BNIP2: variants seen among roughly 807,000 people sequenced by gnomAD.
The protein encoded by BNIP2 is BCL2 interacting protein 2, also known as BCL2/adenovirus E1B 19 kDa protein-interacting protein 2.
In BNIP2, 36 loss-of-function variants were observed where a neutral mutation model predicts 43.4. That is an observed-to-expected ratio of 0.83 (90% CI 0.64 to 1.10). BNIP2 has a LOEUF of 1.10. BNIP2 is among the 50% of genes least tolerant of loss of function. The probability of loss-of-function intolerance (pLI) is 0.00; values close to 1 mark genes in which losing one functional copy is unlikely to be tolerated. For synonymous variants in BNIP2, 146 were observed against 121.0 expected (o/e 1.21, Z -1.35); for missense variants, 417 against 374.1 (o/e 1.11, Z -0.95).
chr15:59,684,190 G>A (rs1893874174), intron 1 of BNIP2, among the ~76,000 whole-genome samples: 1 of 152,192 alleles, frequency 6.6e-6, no homozygotes, highest in South Asian at 2.1e-4. Context: ...ACCCTCAAGA[G>A]AAGGTTTTAA....
chr15:59,680,342 A>G (rs1893587998), intron 2 of BNIP2, 34 bp from the exon 3 acceptor site: 1 of 1,519,116 alleles, frequency 6.6e-7, no homozygotes, highest in South Asian at 1.3e-5. Flanking sequence ...TAATCCAGAA[A>G]TTAAGAAAGA....
At chr15:59,683,399 A>C (rs1449137973) in intron 1 of BNIP2, among the ~76,000 whole-genome samples, 1 of 152,254 alleles carries the variant, frequency 6.6e-6, no homozygotes, top group Non-Finnish European at 1.5e-5. Context: ...CATTCAAGTC[A>C]ATAGATGTCT....
chr15:59,662,006 T>G lies in BNIP2; in HGVS notation c.*2063A>C, dbSNP rs1173847901. On this transcript the variant is annotated 3_prime_UTR_variant, in exon 10 of 10. Transcript: ENST00000607373. ...AATTTTAATGTTTAACAGAATAGTC[T>G]TCTACTTTTAAAAAAAATTCAGAAA... 2 of 152,214 alleles carry G rather than the reference T, an allele frequency of 1.3e-5. No homozygotes were observed. The highest frequency in any genetic ancestry group is 2.9e-5 in the Non-Finnish European group (2 of 68,038). 9.4% of individuals were successfully genotyped at this position (152,214 alleles called of 1,614,324 possible).
At chr15:59,678,236 G>T (rs765870790) in intron 4 of BNIP2, 149 bp from the exon 5 acceptor site, 1 of 1,380,494 alleles carries the variant, frequency 7.2e-7, no homozygotes, top group Non-Finnish European at 9.3e-7. Context: ...GGAGGAAAAG[G>T]CTTATTCTTA....
rs907362638 is a variant in BNIP2 at position 59,687,125 on chromosome 15, C to A, written c.-58+2010G>T. 4.6e-5 allele frequency among the ~76,000 whole-genome samples: 7 copies of A among 152,262 alleles called. 1 individual carries two copies. The South Asian group carries it at 1.2e-3, about 27-fold the overall frequency. On this transcript the variant is annotated intron_variant, in intron 1 of 9. Coordinates refer to ENST00000607373, the MANE Select transcript of BNIP2 (RefSeq NM_004330.4). ...GAAAATAAATCAAAAGATGACTGTG[C>A]CACCTACAAAAGTTACATTTATTGT... is the stretch of plus-strand genomic sequence containing the variant.
chr15:59,680,814 T>C (rs1329469649), intron 2 of BNIP2, among the ~76,000 whole-genome samples: 2 of 152,148 alleles, frequency 1.3e-5, no homozygotes, highest in Non-Finnish European at 2.9e-5. Context: ...TATTGCTATG[T>C]TGCCCAGGCT....
chr15:59,672,535 G>T, intron 6 of BNIP2, 102 bp downstream of exon 6: 1 of 843,464 alleles, frequency 1.2e-6, no homozygotes, highest in Non-Finnish European at 1.8e-6. Context: ...GTCTCCCAAA[G>T]AACTGGAATA....
At chr15:59,685,191 T>C (rs918333662) in intron 1 of BNIP2, among the ~76,000 whole-genome samples, 5 of 152,106 alleles carry the variant, frequency 3.3e-5, no homozygotes, top group Non-Finnish European at 7.4e-5. Context: ...ATGGAACAAG[T>C]TTGTCTCTGT....
rs756869353 is a variant in BNIP2 at position 59,668,988 on chromosome 15, G to C, written c.797C>G (p.Ser266Trp). 3.7e-6 allele frequency: 6 copies of C among 1,611,698 alleles called. No homozygotes were observed. The South Asian group carries it at 6.6e-5, about 18-fold the overall frequency. Residue 266 changes from serine (S) to tryptophan (W), a missense_variant and splice_region_variant, in exon 9 of 10, where the codon TCG becomes TGG. Transcript: ENST00000607373. ...LLAVTRPFIS[S>W]KFSQKIRYVF... ...GTATCTAATTTTTTGGCTGAATTTC[G>C]AGCTATGGAAGAAAATAAAAATAAT...
In BNIP2 at chr15:59,659,877, ACTGTTATATTCAAATTTT is replaced by A. The variant is rs1378784444; in HGVS notation, c.*4174_*4191del. 1 of 152,164 alleles carries A rather than the reference ACTGTTATATTCAAATTTT, an allele frequency of 6.6e-6. No homozygotes were observed. Among genetic ancestry groups the A allele is most frequent in the African/African-American group, 2.4e-5 (1 of 41,438 alleles). The allele number at this position is 152,164 out of a possible 1,614,324, so 9.4% of individuals were successfully genotyped here. ...GGTCTATTATAAATAGTTGCAACAT[ACTGTTATATTCAAATTTT>A]AGTGTCACTCCTTACTGTTAAACAT... On this transcript the variant is annotated 3_prime_UTR_variant, in exon 10 of 10. Transcript: ENST00000607373.
In BNIP2 at chr15:59,673,945, C is replaced by G. The variant is rs372813288; in HGVS notation, c.473-1206G>C. Reference sequence around the variant, plus strand: ...CTCTACTAAAGATATAAACAATTAGCTGGGTGTGGTGGTGTGCACCTGTAG... The same window carrying G: ...CTCTACTAAAGATATAAACAATTAGGTGGGTGTGGTGGTGTGCACCTGTAG... On this transcript the variant is annotated intron_variant, in intron 5 of 9. Coordinates refer to ENST00000607373, the MANE Select transcript of BNIP2 (RefSeq NM_004330.4). Among the ~76,000 whole-genome samples, 9 of 151,818 alleles carry G rather than the reference C, an allele frequency of 5.9e-5. No individual in the cohort carries two copies. In the East Asian group the frequency reaches 1.7e-3, roughly 29 times the overall value.
Position 59,682,446 on chromosome 15 carries a change from C to T in BNIP2, c.12G>A (p.Val4=). The T allele has an allele frequency of 1.2e-6, 2 of 1,613,626 alleles. No individual in the cohort carries two copies. The highest frequency in any genetic ancestry group is 1.7e-6 in the Non-Finnish European group (2 of 1,179,712). The change falls in exon 2 of 10, where the codon GTG becomes GTA. Residue 4 remains valine (V), a synonymous_variant. Transcript: ENST00000607373. MEG[V]ELKEEWQDED... is the part of the protein sequence containing the mutation. ...CATCTTGCCATTCTTCTTTAAGTTC[C>T]ACACCTTCCATCCTCAGCCTGGATT... is the stretch of plus-strand genomic sequence containing the variant.
At chr15:59,680,336 C>G in intron 2 of BNIP2, 28 bp from the exon 3 acceptor site, 2 of 1,538,864 alleles carry the variant, frequency 1.3e-6, no homozygotes, top group Middle Eastern at 1.7e-4. Context: ...ACTTTTTAAT[C>G]CAGAAATTAA....
intron 5 of BNIP2, 89 bp from the exon 6 acceptor site, chr15:59,672,828 T>C (rs1893020346): frequency 2.2e-6 from 2 of 890,196 alleles, no homozygotes; most frequent in Non-Finnish European, 3.5e-6. Flanking sequence ...AAATTATAAA[T>C]AAGAGTTTAC....
intron 5 of BNIP2, chr15:59,676,837 G>A: frequency 1.3e-6 from 2 of 1,559,198 alleles, no homozygotes; most frequent in African/African-American, 1.4e-5. Flanking sequence ...CTTCCTGCCG[G>A]GAATTCTGCC....
At chr15:59,682,568 G>T in intron 1 of BNIP2, 54 bp from the exon 2 acceptor site, 2 of 1,358,120 alleles carry the variant, frequency 1.5e-6, no homozygotes, top group South Asian at 1.3e-5. Context: ...TTTATCCACT[G>T]AAAAGGCGTA....
At chr15:59,672,836 T>A in intron 5 of BNIP2, 97 bp from the exon 6 acceptor site, 1 of 811,506 alleles carries the variant, frequency 1.2e-6, no homozygotes, top group South Asian at 1.8e-5. Flanking sequence ...AATAAGAGTT[T>A]ACTTTTCACA....
chr15:59,661,081 A>T lies in BNIP2; in HGVS notation c.*2988T>A, dbSNP rs1187487151. 1 of 152,226 alleles carries T rather than the reference A, an allele frequency of 6.6e-6. No homozygotes were observed. The highest frequency in any genetic ancestry group is 2.4e-5 in the African/African-American group (1 of 41,440). 9.4% of individuals were successfully genotyped at this position (152,226 alleles called of 1,614,324 possible). A position where few individuals can be genotyped will look rare whatever the true frequency, so the allele number is the denominator to read the frequency against. ...GCCGGGCGTGGTGGCTCAAGCCTGT[A>T]ATCCAAGCATTTGGGAGGCTGAGAC... On this transcript the variant is annotated 3_prime_UTR_variant, in exon 10 of 10. Coordinates refer to ENST00000607373, the MANE Select transcript of BNIP2 (RefSeq NM_004330.4).
Position 59,669,371 on chromosome 15 carries a change from TA to T in BNIP2, c.708-10del, listed in dbSNP as rs143193624. On this transcript the variant is annotated splice_polypyrimidine_tract_variant and intron_variant, in intron 7 of 9. Coordinates refer to ENST00000607373, the MANE Select transcript of BNIP2 (RefSeq NM_004330.4). ...TTAGATTTTTCCGTAACCTGGAGTTTAAAAAAAAAACACACACACACAAAGA... is the reference window on the plus strand; with the variant it reads ...TTAGATTTTTCCGTAACCTGGAGTTTAAAAAAAAACACACACACACAAAGA... 2.5e-3 allele frequency: 3,436 copies of T among 1,374,846 alleles called. No homozygotes were observed. Among genetic ancestry groups the T allele is most frequent in the South Asian group, 4.5e-3 (288 of 63,600 alleles). The allele number at this position is 1,374,846 out of a possible 1,614,324, so 85.2% of individuals were successfully genotyped here. A position where few individuals can be genotyped will look rare whatever the true frequency, so the allele number is the denominator to read the frequency against.
Sources: gnomAD v4.1 joint callset for allele counts (sites outside exome capture counted in the v4.1 genomes callset) on GRCh38, gnomAD v4.1.1 for gene constraint, MANE v1.5 for transcripts, NCBI Gene and HGNC (gene_info 2026-07-23, HGNC 2026-07-21) for gene names.